The following IFT43 variants were observed in gnomAD, a reference collection of about 807,000 sequenced individuals.
The protein encoded by IFT43 is intraflagellar transport 43.
Under a neutral mutation model 32.3 loss-of-function variants are expected in IFT43, and 33 were observed. That is an observed-to-expected ratio of 1.02 (90% CI 0.77 to 1.37). IFT43 has a LOEUF of 1.37. Ranked by LOEUF, IFT43 falls within the 40% of genes most tolerant of loss-of-function variation. The pLI, the probability that IFT43 is intolerant of heterozygous loss-of-function variation, is 0.00. For synonymous variants in IFT43, 93 were observed against 98.2 expected (o/e 0.95, Z 0.31); for missense variants, 274 against 265.9 (o/e 1.03, Z -0.21).
intron 5 of IFT43, among the ~76,000 whole-genome samples, chr14:76,061,507 T>G (rs2037134578): frequency 6.6e-6 from 1 of 152,240 alleles, no homozygotes; most frequent in African/African-American, 2.4e-5. Context: ...GTGTTTTTTG[T>G]TTTTAGTCTA....
At chr14:76,027,650 A>G in intron 3 of IFT43, among the ~76,000 whole-genome samples, 1 of 150,596 alleles carries the variant, frequency 6.6e-6, no homozygotes, top group East Asian at 2.0e-4. Flanking sequence ...TGGAGCTTGC[A>G]GTGAGCCGAG....
At chr14:76,076,584 CT>C in intron 5 of IFT43, 1 of 1,614,060 alleles carries the variant, frequency 6.2e-7, no homozygotes, top group Non-Finnish European at 8.5e-7. Flanking sequence ...TAAGAAGTCA[CT>C]TTCTGTTCTA....
intron 2 of IFT43, among the ~76,000 whole-genome samples, chr14:75,999,275 ATATATATTTTTTTTTT>A (rs1566699745): frequency 2.2e-4 from 4 of 18,398 alleles, no homozygotes; most frequent in Admixed American, 7.4e-4. Flanking sequence ...ATATATATGT[ATATATATTTTTTTTTT>A]TTTTTTTTTA....
At chr14:76,077,696 C>T (rs924385214) in intron 5 of IFT43, among the ~76,000 whole-genome samples, 43 of 152,174 alleles carry the variant, frequency 2.8e-4, no homozygotes, top group African/African-American at 1.0e-3. Flanking sequence ...AAGAGACATG[C>T]ATTTTCTATC....
intron 3 of IFT43, among the ~76,000 whole-genome samples, chr14:76,041,989 C>T (rs1016259707): frequency 1.3e-5 from 2 of 152,102 alleles, no homozygotes; most frequent in Non-Finnish European, 2.9e-5. Flanking sequence ...CAGCTCTAGA[C>T]TTTAGGAAAT....
chr14:76,018,150 C>CAGAAT (rs2036223815), intron 2 of IFT43, among the ~76,000 whole-genome samples: 1 of 150,234 alleles, frequency 6.7e-6, no homozygotes, highest in African/African-American at 2.4e-5. Flanking sequence ...CTTGTTCATT[C>CAGAAT]AGAATCTTTC....
intron 2 of IFT43, among the ~76,000 whole-genome samples, chr14:76,006,855 ATTT>A (rs35845700): frequency 5.6e-5 from 7 of 124,414 alleles, no homozygotes; most frequent in Non-Finnish European, 5.1e-5. Context: ...TACTGGGGAC[ATTT>A]TTTTTTTTTT....
intron 3 of IFT43, among the ~76,000 whole-genome samples, chr14:76,033,175 G>A (rs1260317812): frequency 2.0e-5 from 3 of 152,200 alleles, no homozygotes; most frequent in African/African-American, 7.2e-5. Flanking sequence ...GATTGCAGTA[G>A]ACTGAAGAGG....
intron 3 of IFT43, among the ~76,000 whole-genome samples, chr14:76,054,510 A>G (rs2036973580): frequency 1.3e-5 from 2 of 152,252 alleles, no homozygotes; most frequent in South Asian, 4.1e-4. Context: ...TGAAGCCCAC[A>G]GCTGCAGTGC....
At chr14:76,031,517 G>A (rs1228658224) in intron 3 of IFT43, among the ~76,000 whole-genome samples, 1 of 152,168 alleles carries the variant, frequency 6.6e-6, no homozygotes, top group African/African-American at 2.4e-5. Flanking sequence ...CAGAAATGCA[G>A]GTCTCATCTA....
intron 3 of IFT43, among the ~76,000 whole-genome samples, chr14:76,037,860 G>C (rs1333173332): frequency 6.6e-6 from 1 of 152,118 alleles, no homozygotes; most frequent in Non-Finnish European, 1.5e-5. Flanking sequence ...ATACATATTT[G>C]ATCAATGAGT....
intron 3 of IFT43, among the ~76,000 whole-genome samples, chr14:76,029,811 A>G (rs918487083): frequency 2.7e-5 from 4 of 149,736 alleles, no homozygotes; most frequent in African/African-American, 9.8e-5. Context: ...GTTCTGTTCC[A>G]TTGGCCTCTG....
Position 76,061,459 on chromosome 14 carries a change from A to G in IFT43, c.295+2086A>G, listed in dbSNP as rs377431047. On this transcript the variant is annotated intron_variant, in intron 5 of 8. Coordinates refer to ENST00000314067, the MANE Select transcript of IFT43 (RefSeq NM_001102564.3). ...CCACTCCTTCTAATTCCAAGTTTGTATGCCCACACAATTGTCTCCACAGGT... is the reference window on the plus strand; with the variant it reads ...CCACTCCTTCTAATTCCAAGTTTGTGTGCCCACACAATTGTCTCCACAGGT... Among the ~76,000 whole-genome samples, 182 of 152,262 alleles carry G rather than the reference A, an allele frequency of 1.2e-3. 5 individuals carry two copies. In the South Asian group the frequency reaches 0.035, roughly 29 times the overall value.
chr14:76,080,962 T>A (rs1214254131), intron 5 of IFT43, among the ~76,000 whole-genome samples: 1 of 152,204 alleles, frequency 6.6e-6, no homozygotes, highest in African/African-American at 2.4e-5. Context: ...GCAATTTCTT[T>A]CTATTTTTAT....
intron 2 of IFT43, among the ~76,000 whole-genome samples, chr14:75,998,070 C>T (rs937651324): frequency 5.9e-5 from 9 of 152,196 alleles, no homozygotes; most frequent in Non-Finnish European, 1.2e-4. Flanking sequence ...GATTTAAGTG[C>T]GGTCCCTTTA....
chr14:76,058,980 C>T (rs1370194142), intron 4 of IFT43: 9 of 1,431,396 alleles, frequency 6.3e-6, no homozygotes, highest in African/African-American at 1.4e-5. Context: ...GCAATACCAG[C>T]TTCTAAGCCT....
chr14:75,993,256 A>T (rs2035677036), intron 2 of IFT43, among the ~76,000 whole-genome samples: 2 of 152,210 alleles, frequency 1.3e-5, no homozygotes, highest in African/African-American at 4.8e-5. Flanking sequence ...AAGAATTTTT[A>T]AATTTGGTTC....
intron 2 of IFT43, among the ~76,000 whole-genome samples, chr14:75,991,359 T>TTATA (rs370792084): frequency 0.012 from 1,695 of 140,944 alleles, 32 homozygotes; most frequent in African/African-American, 0.045. Flanking sequence ...AGAGTATATA[T>TTATA]TATATATATA....
intron 2 of IFT43, among the ~76,000 whole-genome samples, chr14:75,993,072 A>G (rs1459692980): frequency 2.0e-5 from 3 of 152,210 alleles, no homozygotes; most frequent in Non-Finnish European, 2.9e-5. Context: ...ACAAAGTGAT[A>G]TAACCCTTAA....
Sources: allele counts gnomAD v4.1 joint callset (sites outside exome capture counted in the v4.1 genomes callset), GRCh38; gene constraint gnomAD v4.1.1; transcripts MANE v1.5; gene names NCBI Gene and HGNC (gene_info 2026-07-23, HGNC 2026-07-21).